KANK1: variants seen among roughly 807,000 people sequenced by gnomAD.
The protein encoded by KANK1 is KN motif and ankyrin repeat domain-containing protein 1.
A neutral mutation model predicts 106.2 loss-of-function variants in KANK1; 109 were observed. That is an observed-to-expected ratio of 1.03 (90% confidence interval 0.88 to 1.20). KANK1 has a LOEUF of 1.20. KANK1 is among the 50% of genes most tolerant of loss of function. KANK1 has a pLI of 0.00. For synonymous variants in KANK1, 873 were observed against 652.2 expected (o/e 1.34, Z -5.16); for missense variants, 2,399 against 1,710.7 (o/e 1.40, Z -7.10).
intron 1 of KANK1, among the ~76,000 whole-genome samples, chr9:672,586 A>G (rs1815430662): frequency 6.6e-6 from 1 of 151,742 alleles, no homozygotes; most frequent in African/African-American, 2.4e-5. Flanking sequence ...TCTAACTGAG[A>G]TAGTGGCATT....
intron 1 of KANK1, among the ~76,000 whole-genome samples, chr9:584,277 G>A (rs1254073530): frequency 6.6e-6 from 1 of 152,160 alleles, no homozygotes; most frequent in East Asian, 1.9e-4. Context: ...TTTACTTTTA[G>A]TGAAACTTAC....
At chr9:732,140 T>C (rs1297665875) in intron 5 of KANK1, 1 of 391,222 alleles carries the variant, frequency 2.6e-6, no homozygotes, top group South Asian at 5.0e-5. Flanking sequence ...GCCATTATTT[T>C]CTTTAACAAG....
chr9:615,649 T>TTTA (rs1831635546), intron 1 of KANK1, among the ~76,000 whole-genome samples: 1 of 152,222 alleles, frequency 6.6e-6, no homozygotes, highest in Non-Finnish European at 1.5e-5. Flanking sequence ...GTGCTTTCAG[T>TTTA]TTATTTTCCC....
intron 1 of KANK1, among the ~76,000 whole-genome samples, chr9:558,083 C>A (rs1815339820): frequency 6.6e-6 from 1 of 152,060 alleles, no homozygotes; most frequent in African/African-American, 2.4e-5. Context: ...TAGTCAGATG[C>A]TGTGAGAGGA....
At chr9:583,557 A>C (rs996647679) in intron 1 of KANK1, among the ~76,000 whole-genome samples, 7 of 152,058 alleles carry the variant, frequency 4.6e-5, no homozygotes, top group African/African-American at 1.7e-4. Context: ...AGGATCCCTC[A>C]GTATCCTTAT....
chr9:572,034 A>T (rs1340482226), intron 1 of KANK1, among the ~76,000 whole-genome samples: 1 of 152,076 alleles, frequency 6.6e-6, no homozygotes, highest in Non-Finnish European at 1.5e-5. Context: ...GGTTGCTGGG[A>T]GGAGATGCTT....
chr9:657,506 G>A (rs1190585566), intron 1 of KANK1, among the ~76,000 whole-genome samples: 1 of 151,990 alleles, frequency 6.6e-6, no homozygotes, highest in Non-Finnish European at 1.5e-5. Flanking sequence ...TCTCACCAAT[G>A]TAGGGTTCCA....
chr9:486,545 A>G (rs578211048), intron 3 of KANK1, among the ~76,000 whole-genome samples: 3 of 152,328 alleles, frequency 2.0e-5, no homozygotes, highest in Non-Finnish European at 4.4e-5. Flanking sequence ...CTCCAAGGTT[A>G]TATAGCCTGT....
At chr9:726,169 T>G (rs1564088366) in intron 3 of KANK1, among the ~76,000 whole-genome samples, 1 of 151,406 alleles carries the variant, frequency 6.6e-6, no homozygotes, top group Non-Finnish European at 1.5e-5. Flanking sequence ...ACAAAAGACT[T>G]CAGATTCAGA....
intron 7 of KANK1, 57 bp from the exon 8 acceptor site, chr9:738,228 C>G (rs1387046012): frequency 2.1e-6 from 3 of 1,407,874 alleles, no homozygotes; most frequent in Non-Finnish European, 9.8e-7. Context: ...GTGCTTTCAA[C>G]TAGGTCTCAG....
At chr9:556,199 A>G (rs1191345963) in intron 1 of KANK1, among the ~76,000 whole-genome samples, 1 of 152,236 alleles carries the variant, frequency 6.6e-6, no homozygotes, top group Non-Finnish European at 1.5e-5. Context: ...TATTTCTGAT[A>G]ATAAACCTCA....
chr9:622,486 C>T (rs764449807), intron 1 of KANK1, among the ~76,000 whole-genome samples: 10 of 152,074 alleles, frequency 6.6e-5, no homozygotes, highest in Non-Finnish European at 5.9e-5. Context: ...GCCAAGAATA[C>T]GCAATGGGGG....
intron 1 of KANK1, among the ~76,000 whole-genome samples, chr9:529,234 T>TATATACAC (rs1554613765): frequency 1.7e-4 from 26 of 148,794 alleles, no homozygotes; most frequent in Middle Eastern, 3.5e-3. Context: ...TATATATATA[T>TATATACAC]ACACACACAC....
At chr9:603,143 C>G (rs1480141031) in intron 1 of KANK1, among the ~76,000 whole-genome samples, 3 of 151,710 alleles carry the variant, frequency 2.0e-5, no homozygotes, top group East Asian at 1.9e-4. Flanking sequence ...AAAGATGAAT[C>G]TTTTTCAAGG....
chr9:680,880 C>G (rs1479644350), intron 2 of KANK1: 1 of 152,186 alleles, frequency 6.6e-6, no homozygotes, highest in Non-Finnish European at 1.5e-5. Context: ...GATCCTCCAT[C>G]CTACTTCTCT....
chr9:634,420 CAA>C (rs1563900478), intron 1 of KANK1, among the ~76,000 whole-genome samples: 2 of 152,168 alleles, frequency 1.3e-5, no homozygotes. Flanking sequence ...ACAAGCATCT[CAA>C]AAGACTAATC....
intron 3 of KANK1, among the ~76,000 whole-genome samples, chr9:475,380 A>G (rs193254654): frequency 2.0e-5 from 3 of 152,326 alleles, no homozygotes; most frequent in South Asian, 2.1e-4. Context: ...AAGTATGCCA[A>G]CCTGTAAGAC....
intron 1 of KANK1, among the ~76,000 whole-genome samples, chr9:546,370 T>G (rs2060928828): frequency 6.6e-6 from 1 of 151,932 alleles, no homozygotes; most frequent in Non-Finnish European, 1.5e-5. Flanking sequence ...CTCTGCAGTG[T>G]CCAGGACAAC....
rs776322255 is a variant in KANK1, at chr9:742,198, C to T, written c.3697-7C>T. The T allele has an allele frequency of 3.1e-6, 5 of 1,613,796 alleles. No homozygotes were observed. The highest frequency in any genetic ancestry group is 4.5e-5 in the East Asian group (2 of 44,882). On this transcript the variant is annotated splice_polypyrimidine_tract_variant and splice_region_variant and intron_variant, in intron 9 of 11. Transcript: ENST00000382297. ...ACTTCTGAAGTCCTTGTCATCTCTT[C>T]CCATAGGCGGGACAGACGGCCCTCA...
Sources: gnomAD v4.1 joint callset for allele counts (sites outside exome capture counted in the v4.1 genomes callset) on GRCh38, gnomAD v4.1.1 for gene constraint, MANE v1.5 for transcripts, NCBI Gene and HGNC (gene_info 2026-07-23, HGNC 2026-07-21) for gene names.